Variants in FSTL5 observed in about 807,000 individuals in gnomAD.
The protein encoded by FSTL5 is follistatin like 5.
FSTL5 carries 62 observed loss-of-function variants against 89.1 expected under a neutral mutation model. That is an observed-to-expected ratio of 0.70 (90% CI 0.57 to 0.86). The LOEUF (loss-of-function observed/expected upper bound fraction) is 0.86, where lower values mean the gene tolerates loss of function less well. Among genes scored for constraint, FSTL5 ranks in the 40% least tolerant of loss-of-function variants. The pLI, the probability that FSTL5 is intolerant of heterozygous loss-of-function variation, is 0.00. For missense variants in FSTL5, 1,057 were observed against 1,001.6 expected (o/e 1.06, Z -0.75); for synonymous variants, 383 against 346.2 (o/e 1.11, Z -1.18).
intron 1 of FSTL5, among the ~76,000 whole-genome samples, chr4:162,118,984 G>A (rs1731753838): frequency 6.6e-6 from 1 of 152,080 alleles, no homozygotes; most frequent in Non-Finnish European, 1.5e-5. Context: ...ACACATACAA[G>A]GTGAGAGAAC....
At chr4:161,409,177 C>G (rs1731501320) in intron 15 of FSTL5, among the ~76,000 whole-genome samples, 1 of 152,026 alleles carries the variant, frequency 6.6e-6, no homozygotes, top group Non-Finnish European at 1.5e-5. Context: ...GGCTAGGAGA[C>G]CTACAGAGAG....
At chr4:162,155,267 G>C (rs1215693245) in intron 1 of FSTL5, among the ~76,000 whole-genome samples, 1 of 152,178 alleles carries the variant, frequency 6.6e-6, no homozygotes, top group Non-Finnish European at 1.5e-5. Flanking sequence ...AGCCGGGTTA[G>C]AGGTCAGAAG....
intron 2 of FSTL5, among the ~76,000 whole-genome samples, chr4:162,069,692 G>T (rs1729523562): frequency 6.6e-6 from 1 of 151,744 alleles, no homozygotes; most frequent in Non-Finnish European, 1.5e-5. Context: ...TGTCCTCCAG[G>T]CTCAACCATG....
chr4:161,545,363 G>A (rs976328549), intron 8 of FSTL5, among the ~76,000 whole-genome samples: 3 of 151,986 alleles, frequency 2.0e-5, no homozygotes, highest in Admixed American at 6.6e-5. Flanking sequence ...GTGTGCACAC[G>A]TAATTTAAAA....
intron 13 of FSTL5, among the ~76,000 whole-genome samples, chr4:161,473,498 T>C (rs1432159775): frequency 1.4e-5 from 2 of 145,132 alleles, no homozygotes; most frequent in Admixed American, 1.4e-4. Context: ...CAACCAAAGG[T>C]CACTGCAGCT....
chr4:162,019,770 C>G (rs557168866), intron 3 of FSTL5, among the ~76,000 whole-genome samples: 3 of 148,194 alleles, frequency 2.0e-5, no homozygotes, highest in East Asian at 4.0e-4. Context: ...CTCTCTTTCT[C>G]TGTGTGTGTG....
At chr4:162,076,414 G>A (rs1441337606) in intron 2 of FSTL5, among the ~76,000 whole-genome samples, 1 of 151,886 alleles carries the variant, frequency 6.6e-6, no homozygotes, top group African/African-American at 2.4e-5. Context: ...AGGTCTGTTT[G>A]ATTTTCAGTA....
At chr4:161,889,877 TCCTAAAA>T (rs1732931990) in intron 4 of FSTL5, among the ~76,000 whole-genome samples, 2 of 152,302 alleles carry the variant, frequency 1.3e-5, no homozygotes, top group Non-Finnish European at 2.9e-5. Context: ...ACTGCTTTTC[TCCTAAAA>T]CCGTATGGTT....
At chr4:161,391,436 C>A (rs1448596563) in intron 15 of FSTL5, among the ~76,000 whole-genome samples, 1 of 152,086 alleles carries the variant, frequency 6.6e-6, no homozygotes, top group Non-Finnish European at 1.5e-5. Flanking sequence ...TAAGTAAACC[C>A]ACTCAAAATA....
intron 3 of FSTL5, among the ~76,000 whole-genome samples, chr4:161,982,713 A>G (rs891547704): frequency 6.6e-6 from 1 of 152,204 alleles, no homozygotes; most frequent in East Asian, 1.9e-4. Context: ...CACAGCAATT[A>G]TGTCCTTTTG....
At chr4:161,544,883 ATT>A (rs1420829989) in intron 8 of FSTL5, among the ~76,000 whole-genome samples, 2 of 151,954 alleles carry the variant, frequency 1.3e-5, no homozygotes, top group African/African-American at 4.8e-5. Flanking sequence ...AGGTAAAATA[ATT>A]TTCTTTATAA....
intron 4 of FSTL5, among the ~76,000 whole-genome samples, chr4:161,779,517 A>T (rs2126807506): frequency 6.6e-6 from 1 of 151,660 alleles, no homozygotes; most frequent in South Asian, 2.1e-4. Context: ...AAAGAAAATC[A>T]ATATGATTAC....
At chr4:161,811,509 G>C (rs1224050719) in intron 4 of FSTL5, among the ~76,000 whole-genome samples, 1 of 151,908 alleles carries the variant, frequency 6.6e-6, no homozygotes, top group Non-Finnish European at 1.5e-5. Flanking sequence ...AAAAAAGCTA[G>C]AGTTAATCTT....
At chr4:161,842,160 T>A (rs953382179) in intron 4 of FSTL5, among the ~76,000 whole-genome samples, 3 of 152,160 alleles carry the variant, frequency 2.0e-5, no homozygotes, top group African/African-American at 7.2e-5. Context: ...AACCTTTCCG[T>A]GTGTAATTAA....
intron 8 of FSTL5, among the ~76,000 whole-genome samples, chr4:161,558,532 C>T (rs1252806120): frequency 2.7e-5 from 4 of 147,180 alleles, no homozygotes; most frequent in African/African-American, 1.0e-4. Context: ...TGCCACCCCA[C>T]TGGAACTCTC....
chr4:161,448,941 C>T (rs1038547574), intron 15 of FSTL5, among the ~76,000 whole-genome samples: 2 of 152,104 alleles, frequency 1.3e-5, no homozygotes, highest in Admixed American at 1.3e-4. Flanking sequence ...CCAGTACCAT[C>T]TTGGGGTGTG....
intron 10 of FSTL5, among the ~76,000 whole-genome samples, chr4:161,535,953 G>A (rs1731596740): frequency 6.6e-6 from 1 of 152,080 alleles, no homozygotes; most frequent in Non-Finnish European, 1.5e-5. Context: ...GAATGAAGCT[G>A]GAGGCCATTA....
intron 3 of FSTL5, among the ~76,000 whole-genome samples, chr4:161,997,794 CG>C (rs111394253): frequency 0.42 from 63,499 of 151,480 alleles, 13,481 homozygotes; most frequent in Middle Eastern, 0.58. Flanking sequence ...TTAGTAGAGA[CG>C]GGGCTTCACT....
chr4:161,997,726 T>A (rs1265642254), intron 3 of FSTL5, among the ~76,000 whole-genome samples: 2 of 149,416 alleles, frequency 1.3e-5, no homozygotes, highest in African/African-American at 4.9e-5. Flanking sequence ...TATCTCAGCC[T>A]CCAGAGTAGC....
Sources: allele counts gnomAD v4.1 joint callset (sites outside exome capture counted in the v4.1 genomes callset), GRCh38; gene constraint gnomAD v4.1.1; transcripts MANE v1.5; gene names NCBI Gene and HGNC (gene_info 2026-07-23, HGNC 2026-07-21).